The following TMEM135 variants were observed in gnomAD, a reference collection of about 807,000 sequenced individuals.
TMEM135 encodes the protein peroxisomal membrane protein 52.
A neutral mutation model predicts 60.3 loss-of-function variants in TMEM135; 30 were observed. The observed-to-expected ratio is 0.50, with a 90% CI of 0.37 to 0.68. TMEM135 has a LOEUF of 0.68. Ranked by LOEUF, TMEM135 falls within the 30% of genes least tolerant of loss-of-function variation. The pLI, the probability that TMEM135 is intolerant of heterozygous loss-of-function variation, is 0.00. For missense variants in TMEM135, 468 were observed against 548.8 expected, an observed-to-expected ratio of 0.85 and a Z score of 1.47; for synonymous variants, 190 against 186.7, an observed-to-expected ratio of 1.02 and a Z score of -0.14.
chr11:87,162,420 G>A (rs1369554895), intron 5 of TMEM135, among the ~76,000 whole-genome samples: 1 of 152,036 alleles, frequency 6.6e-6, no homozygotes, highest in African/African-American at 2.4e-5. Flanking sequence ...CCCTCCCTGT[G>A]TCCATGTGTT....
chr11:87,321,621 C>T lies in TMEM135; in HGVS notation c.*288C>T, dbSNP rs538672202. 2.0e-4 allele frequency: 114 copies of T among 561,246 alleles called. 1 individual carries two copies. Among genetic ancestry groups the T allele is most frequent in the South Asian group, 9.6e-4 (62 of 64,856 alleles). The allele number at this position is 561,246 out of a possible 1,614,324, so 34.8% of individuals were successfully genotyped here. On this transcript the variant is annotated 3_prime_UTR_variant, in exon 15 of 15. Transcript: ENST00000305494. ...TCCACAAGCAATATTATATAATCTA[C>T]GTAGAAGTGTAATAACAAACAAGAG...
intron 4 of TMEM135, among the ~76,000 whole-genome samples, chr11:87,111,266 A>G (rs1857738211): frequency 1.3e-5 from 2 of 151,868 alleles, no homozygotes; most frequent in African/African-American, 4.8e-5. Flanking sequence ...TCTTTTAGTT[A>G]TTTAATATAT....
chr11:87,137,166 A>C (rs1166553635), intron 4 of TMEM135, among the ~76,000 whole-genome samples: 4 of 152,056 alleles, frequency 2.6e-5, no homozygotes, highest in Admixed American at 6.5e-5. Flanking sequence ...CTCTGTTTTT[A>C]GATGCAAAAA....
At chr11:87,059,145 C>T (rs906308021) in intron 1 of TMEM135, among the ~76,000 whole-genome samples, 1 of 151,828 alleles carries the variant, frequency 6.6e-6, no homozygotes, top group Non-Finnish European at 1.5e-5. Flanking sequence ...CCATGTTGGG[C>T]AGGCTGGTCT....
intron 10 of TMEM135, 29 bp from the exon 11 acceptor site, chr11:87,313,396 T>C (rs1253708299): frequency 1.3e-6 from 2 of 1,572,388 alleles, no homozygotes; most frequent in Admixed American, 1.7e-5. Flanking sequence ...ATAAAATAAC[T>C]GAAGTCATTG....
At chr11:87,283,451 A>C (rs977361396) in intron 6 of TMEM135, among the ~76,000 whole-genome samples, 1 of 152,236 alleles carries the variant, frequency 6.6e-6, no homozygotes, top group African/African-American at 2.4e-5. Flanking sequence ...AAATAAGCAT[A>C]AATTTATGAA....
intron 3 of TMEM135, among the ~76,000 whole-genome samples, chr11:87,073,707 G>T (rs749582591): frequency 1.6e-4 from 24 of 150,392 alleles, no homozygotes; most frequent in Non-Finnish European, 3.4e-4. Flanking sequence ...TCGCTCTGTT[G>T]CCCAGGCTGG....
At chr11:87,215,232 T>A (rs892604599) in intron 5 of TMEM135, among the ~76,000 whole-genome samples, 1 of 152,208 alleles carries the variant, frequency 6.6e-6, no homozygotes, top group Non-Finnish European at 1.5e-5. Flanking sequence ...TTGTTCTACC[T>A]AAGTGATTTC....
At chr11:87,044,760 C>T (rs887581226) in intron 1 of TMEM135, among the ~76,000 whole-genome samples, 4 of 151,976 alleles carry the variant, frequency 2.6e-5, no homozygotes, top group African/African-American at 7.3e-5. Flanking sequence ...ACGCCCTTCT[C>T]CTGCCTCAGC....
intron 5 of TMEM135, among the ~76,000 whole-genome samples, chr11:87,187,137 C>T (rs904764258): frequency 5.5e-4 from 83 of 152,250 alleles, no homozygotes; most frequent in African/African-American, 1.9e-3. Flanking sequence ...CTTTGTGTCT[C>T]ATGGGGAGCT....
At chr11:87,270,485 A>G (rs1941843326) in intron 6 of TMEM135, among the ~76,000 whole-genome samples, 1 of 152,204 alleles carries the variant, frequency 6.6e-6, no homozygotes, top group South Asian at 2.1e-4. Flanking sequence ...TAAGAATTTT[A>G]ATTAGCTAAA....
chr11:87,040,901 G>C (rs1208989466), intron 1 of TMEM135, among the ~76,000 whole-genome samples: 2 of 152,080 alleles, frequency 1.3e-5, no homozygotes, highest in Non-Finnish European at 2.9e-5. Flanking sequence ...GGGTAGGGAA[G>C]GCCTCTTGAA....
At chr11:87,099,295 C>T (rs879105732) in intron 4 of TMEM135, among the ~76,000 whole-genome samples, 1 of 151,810 alleles carries the variant, frequency 6.6e-6, no homozygotes, top group Admixed American at 6.6e-5. Context: ...GGAGAGCACA[C>T]TTAAAATACT....
chr11:87,248,835 C>A (rs191314291), intron 6 of TMEM135, among the ~76,000 whole-genome samples: 310 of 151,986 alleles, frequency 2.0e-3, no homozygotes, highest in Non-Finnish European at 3.6e-3. Flanking sequence ...CCATTTCTTT[C>A]GTTAATTCCT....
chr11:87,063,981 A>G (rs570738316), intron 1 of TMEM135, among the ~76,000 whole-genome samples: 2 of 152,302 alleles, frequency 1.3e-5, no homozygotes, highest in African/African-American at 2.4e-5. Flanking sequence ...TTGCTGAGTT[A>G]TGGGGTAGAC....
At chr11:87,043,715 C>T (rs1282386381) in intron 1 of TMEM135, among the ~76,000 whole-genome samples, 1 of 150,972 alleles carries the variant, frequency 6.6e-6, no homozygotes, top group Non-Finnish European at 1.5e-5. Flanking sequence ...GAGCGAGACT[C>T]TGTCTCAAAA....
intron 6 of TMEM135, among the ~76,000 whole-genome samples, chr11:87,268,996 A>G (rs777088078): frequency 2.0e-4 from 31 of 151,920 alleles, no homozygotes; most frequent in Non-Finnish European, 4.0e-4. Context: ...CTTAAAAATA[A>G]CAATTTATGC....
intron 6 of TMEM135, among the ~76,000 whole-genome samples, chr11:87,272,636 A>AAT (rs1554983118): frequency 1.3e-5 from 2 of 151,252 alleles, no homozygotes; most frequent in African/African-American, 2.4e-5. Context: ...AACTTAAAAA[A>AAT]TTTTTTTGTA....
At chr11:87,188,059 G>T (rs1437057141) in intron 5 of TMEM135, among the ~76,000 whole-genome samples, 2 of 151,980 alleles carry the variant, frequency 1.3e-5, no homozygotes, top group African/African-American at 4.8e-5. Flanking sequence ...CAAGTTCAGT[G>T]TTGAACAATG....
Sources: allele counts gnomAD v4.1 joint callset (sites outside exome capture counted in the v4.1 genomes callset), GRCh38; gene constraint gnomAD v4.1.1; transcripts MANE v1.5; gene names NCBI Gene and HGNC (gene_info 2026-07-23, HGNC 2026-07-21).